Variants in PRELID2 observed in about 807,000 individuals in gnomAD.
PRELID2 encodes PRELI domain containing 2.
A neutral mutation model predicts 28.4 loss-of-function variants in PRELID2; 25 were observed. The ratio of observed to expected loss-of-function variants is 0.88; its 90% CI spans 0.64 to 1.23. The LOEUF is 1.23. PRELID2 is among the 50% of genes most tolerant of loss of function. PRELID2 has a pLI of 0.00. For synonymous variants in PRELID2, 76 were observed against 71.6 expected, an observed-to-expected ratio of 1.06 and a Z score of -0.31; for missense variants, 201 against 214.4, an observed-to-expected ratio of 0.94 and a Z score of 0.39.
chr5:145,603,530 G>T (rs575368484), intron 1 of PRELID2, among the ~76,000 whole-genome samples: 16 of 152,008 alleles, frequency 1.1e-4, no homozygotes, highest in African/African-American at 3.4e-4. Flanking sequence ...ATAGTTCACC[G>T]CCAGAAGACT....
chr5:145,677,058 T>A (rs1339641666), intron 1 of PRELID2, among the ~76,000 whole-genome samples: 1 of 151,884 alleles, frequency 6.6e-6, no homozygotes, highest in Non-Finnish European at 1.5e-5. Flanking sequence ...TTTAACACGG[T>A]GTAATATTTG....
At chr5:145,608,409 C>G (rs971603839) in intron 1 of PRELID2, among the ~76,000 whole-genome samples, 1 of 152,130 alleles carries the variant, frequency 6.6e-6, no homozygotes, top group African/African-American at 2.4e-5. Context: ...TTAGCACTCC[C>G]TTAAGGATCT....
intron 1 of PRELID2, among the ~76,000 whole-genome samples, chr5:145,727,190 C>A (rs979588852): frequency 2.0e-5 from 3 of 152,158 alleles, no homozygotes; most frequent in African/African-American, 7.2e-5. Context: ...TTCCAAGACA[C>A]AATCAATCTA....
the PRELID2 span, among the ~76,000 whole-genome samples, chr5:145,290,714 C>G: frequency 6.6e-6 from 1 of 151,580 alleles, no homozygotes; most frequent in African/African-American, 2.4e-5. Context: ...CAAACCTGCA[C>G]ATTGTGCACA....
chr5:145,474,917 G>A (rs1752085903), intron 1 of PRELID2, among the ~76,000 whole-genome samples: 2 of 152,108 alleles, frequency 1.3e-5, no homozygotes, highest in South Asian at 4.1e-4. Flanking sequence ...AGGATTTAGT[G>A]TATAAAAGGA....
intron 5 of PRELID2, chr5:145,795,839 A>G (rs1489120339): frequency 1.3e-5 from 2 of 152,178 alleles, no homozygotes; most frequent in African/African-American, 2.4e-5. Context: ...ACCATAGAGG[A>G]CAGATTAAAA....
chr5:145,699,561 T>G (rs1755361070), intron 1 of PRELID2, among the ~76,000 whole-genome samples: 1 of 152,096 alleles, frequency 6.6e-6, no homozygotes, highest in African/African-American at 2.4e-5. Flanking sequence ...CCCTGCTCAT[T>G]GACATTGATG....
chr5:145,474,824 C>G (rs889763796), intron 1 of PRELID2, among the ~76,000 whole-genome samples: 7 of 152,134 alleles, frequency 4.6e-5, no homozygotes, highest in Admixed American at 3.3e-4. Context: ...GTGGCAGGAT[C>G]ATTGACAAAA....
the PRELID2 span, among the ~76,000 whole-genome samples, chr5:145,430,367 G>T: frequency 6.6e-6 from 1 of 152,194 alleles, no homozygotes; most frequent in Non-Finnish European, 1.5e-5. Context: ...TCTTGCTCAT[G>T]GTACACAACT....
the PRELID2 span, among the ~76,000 whole-genome samples, chr5:145,374,769 A>G: frequency 6.6e-5 from 10 of 151,842 alleles, no homozygotes; most frequent in African/African-American, 1.5e-4. Context: ...CACTTAGTCA[A>G]TTTGGCTTTT....
chr5:145,321,908 G>A, the PRELID2 span, among the ~76,000 whole-genome samples: 9 of 152,176 alleles, frequency 5.9e-5, no homozygotes, highest in African/African-American at 2.2e-4. Flanking sequence ...AATTTGGAGA[G>A]ACCACCATAA....
intron 1 of PRELID2, among the ~76,000 whole-genome samples, chr5:145,531,376 C>A (rs1752654048): frequency 6.6e-6 from 1 of 152,178 alleles, no homozygotes; most frequent in Non-Finnish European, 1.5e-5. Flanking sequence ...TTGTTGTTTA[C>A]TTCTGGCTAG....
At chr5:145,347,322 C>G in the PRELID2 span, among the ~76,000 whole-genome samples, 302 of 152,276 alleles carry the variant, frequency 2.0e-3, 2 homozygotes, top group African/African-American at 7.0e-3. Flanking sequence ...TTATTCCCAC[C>G]TCTTTGAAAG....
At chr5:145,647,177 C>T (rs1272333239) in intron 1 of PRELID2, among the ~76,000 whole-genome samples, 8 of 152,160 alleles carry the variant, frequency 5.3e-5, no homozygotes, top group African/African-American at 7.2e-5. Context: ...CTGTAAGTGC[C>T]GACTGGGGCT....
chr5:145,751,697 T>C (rs1439154315), downstream of PRELID2, among the ~76,000 whole-genome samples: 1 of 152,202 alleles, frequency 6.6e-6, no homozygotes, highest in Non-Finnish European at 1.5e-5. Flanking sequence ...AGAAGAGTTT[T>C]TGGGCCAGGC....
At chr5:145,744,450 T>C (rs760320791) in intron 1 of PRELID2, among the ~76,000 whole-genome samples, 3 of 152,166 alleles carry the variant, frequency 2.0e-5, no homozygotes, top group Non-Finnish European at 1.5e-5. Flanking sequence ...GGAATCCTAC[T>C]GGCATCAGGT....
chr5:145,674,221 T>C (rs767350157), intron 1 of PRELID2, among the ~76,000 whole-genome samples: 3 of 152,198 alleles, frequency 2.0e-5, no homozygotes, highest in Non-Finnish European at 4.4e-5. Context: ...GCAGGTTTGT[T>C]ATGTATGTAT....
chr5:145,393,201 G>A, the PRELID2 span, among the ~76,000 whole-genome samples: 1 of 152,164 alleles, frequency 6.6e-6, no homozygotes, highest in African/African-American at 2.4e-5. Context: ...GTGAGAATAA[G>A]ATGGAGCAGG....
chr5:145,816,126 A>G (rs1177631215), intron 4 of PRELID2, among the ~76,000 whole-genome samples: 6 of 121,168 alleles, frequency 5.0e-5, no homozygotes, highest in South Asian at 2.5e-4. Flanking sequence ...TCTGTTGCCC[A>G]GGCTAGAGTG....
Sources: gnomAD v4.1 joint callset for allele counts (sites outside exome capture counted in the v4.1 genomes callset) on GRCh38, gnomAD v4.1.1 for gene constraint, MANE v1.5 for transcripts, NCBI Gene and HGNC (gene_info 2026-07-23, HGNC 2026-07-21) for gene names.